Variants in SCD5 observed in about 807,000 individuals in gnomAD.
SCD5 encodes stearoyl-CoA desaturase 5.
In SCD5, 20 loss-of-function variants were observed where a neutral mutation model predicts 30.4. The ratio of observed to expected loss-of-function variants is 0.66; its 90% CI spans 0.46 to 0.96. The LOEUF (loss-of-function observed/expected upper bound fraction) is 0.96. Ranked by LOEUF, SCD5 falls within the 40% of genes least tolerant of loss-of-function variation. The probability of loss-of-function intolerance (pLI) is 0.00; values close to 1 mark genes in which losing one functional copy is unlikely to be tolerated. For missense variants in SCD5, 381 were observed against 443.3 expected (o/e 0.86, Z 1.26); for synonymous variants, 173 against 176.4 (o/e 0.98, Z 0.16).
At chr4:82,747,069 G>GCCCCAC (rs1553918952) in intron 1 of SCD5, among the ~76,000 whole-genome samples, 1 of 139,698 alleles carries the variant, frequency 7.2e-6, no homozygotes. Flanking sequence ...TGGGCAACCT[G>GCCCCAC]CCCCCCAAGA....
At chr4:82,641,758 A>C (rs1727552107) in intron 3 of SCD5, among the ~76,000 whole-genome samples, 1 of 152,188 alleles carries the variant, frequency 6.6e-6, no homozygotes, top group Non-Finnish European at 1.5e-5. Flanking sequence ...TGGTGGCCTG[A>C]ACCTGGATAG....
intron 1 of SCD5, among the ~76,000 whole-genome samples, chr4:82,750,232 C>T (rs75837588): frequency 0.097 from 14,811 of 152,106 alleles, 928 homozygotes; most frequent in Non-Finnish European, 0.15. Context: ...TTGGGAGGGC[C>T]GGGGCACTTA....
intron 3 of SCD5, among the ~76,000 whole-genome samples, chr4:82,664,993 C>A (rs1254031640): frequency 0.089 from 7,575 of 85,398 alleles, 303 homozygotes; most frequent in Middle Eastern, 0.15. Flanking sequence ...CTCTCTCTCT[C>A]TCTCTCTATA....
intron 1 of SCD5, among the ~76,000 whole-genome samples, chr4:82,757,881 C>T (rs970105926): frequency 1.3e-5 from 2 of 152,220 alleles, no homozygotes; most frequent in African/African-American, 4.8e-5. Flanking sequence ...TTTTAAAGTA[C>T]AGCCACTGGC....
At chr4:82,714,975 A>C (rs1336854171) in intron 1 of SCD5, among the ~76,000 whole-genome samples, 1 of 151,340 alleles carries the variant, frequency 6.6e-6, no homozygotes, top group Non-Finnish European at 1.5e-5. Flanking sequence ...AGTGGCTCAC[A>C]CCTGTTATCC....
chr4:82,686,611 AAATT>A lies in SCD5; in HGVS notation c.364-5703_364-5700del, dbSNP rs773126022. ...AGGATTTGATTAAATATTTTGTGATAAATTAATTAAATAGTACTTGTGTGTGTAT... is the reference window on the plus strand; with the variant it reads ...AGGATTTGATTAAATATTTTGTGATAAATTAAATAGTACTTGTGTGTGTAT... On this transcript the variant is annotated intron_variant, in intron 2 of 4. Transcript: ENST00000319540. Among the ~76,000 whole-genome samples, 21 of 152,334 alleles carry A rather than the reference AAATT, an allele frequency of 1.4e-4. No individual in the cohort carries two copies. In the East Asian group the frequency reaches 2.3e-3, roughly 17 times the overall value.
In SCD5 at chr4:82,647,454, T is replaced by A. The variant is rs571322126; in HGVS notation, c.570-10631A>T. Among the ~76,000 whole-genome samples the A allele has an allele frequency of 5.3e-5, 8 of 152,318 alleles. No individual in the cohort carries two copies. The South Asian group carries it at 1.5e-3, about 28-fold the overall frequency. On this transcript the variant is annotated intron_variant, in intron 3 of 4. Coordinates refer to ENST00000319540, the MANE Select transcript of SCD5 (RefSeq NM_001037582.3). The stretch of plus-strand genomic sequence containing the variant: ...CCGTCATGATCAATATCAGCTGAGG[T>A]AGCTGAATGGATTAGATGGGCTGAC...
chr4:82,757,602 G>A (rs554286586), intron 1 of SCD5, among the ~76,000 whole-genome samples: 1 of 152,290 alleles, frequency 6.6e-6, no homozygotes, highest in East Asian at 1.9e-4. Flanking sequence ...TATTATTGTG[G>A]GTGAGGTGGT....
intron 3 of SCD5, among the ~76,000 whole-genome samples, chr4:82,652,516 A>C (rs1334377909): frequency 6.6e-6 from 1 of 152,200 alleles, no homozygotes; most frequent in Non-Finnish European, 1.5e-5. Context: ...CAATTCTACC[A>C]CTTACAAAAT....
chr4:82,770,694 C>G (rs1415680408), intron 1 of SCD5, among the ~76,000 whole-genome samples: 1 of 152,212 alleles, frequency 6.6e-6, no homozygotes, highest in Non-Finnish European at 1.5e-5. Context: ...TTGGCTCTTA[C>G]CGTTCCTATC....
chr4:82,735,032 G>A (rs982853909), intron 1 of SCD5, among the ~76,000 whole-genome samples: 10 of 152,154 alleles, frequency 6.6e-5, no homozygotes, highest in African/African-American at 2.4e-4. Context: ...GCCTCCCAAA[G>A]TGCTGGGATT....
chr4:82,662,447 G>A (rs553304509), intron 3 of SCD5, among the ~76,000 whole-genome samples: 2 of 152,002 alleles, frequency 1.3e-5, no homozygotes, highest in Non-Finnish European at 2.9e-5. Flanking sequence ...AAAAAGCCAA[G>A]AGTTCTATGT....
In SCD5 at chr4:82,798,311, A is replaced by G; in HGVS notation, c.227T>C (p.Leu76Pro). ...GGGGCGCCGGCGGGACTTACCCCAG[A>G]GCAGAGTGAGTGGCTTGGCTTTGGG... ...LIPKAKPLTL[L>P]WAYFCFLLAA... Residue 76 changes from leucine to proline, a missense_variant, in exon 1 of 5, where the codon CTC becomes CCC. Leu to Pro is a moderately conservative substitution (Grantham distance 98). Transcript: ENST00000319540. The G allele has an allele frequency of 2.5e-6, 4 of 1,608,872 alleles. No individual in the cohort carries two copies. The highest frequency in any genetic ancestry group is 3.4e-6 in the Non-Finnish European group (4 of 1,178,078).
chr4:82,796,100 C>T (rs1722210216), intron 1 of SCD5, among the ~76,000 whole-genome samples: 2 of 151,742 alleles, frequency 1.3e-5, no homozygotes, highest in African/African-American at 4.8e-5. Context: ...GAAACCCCAT[C>T]TCTACTAAAA....
chr4:82,711,519 G>A (rs1322491990), intron 1 of SCD5, among the ~76,000 whole-genome samples: 1 of 152,138 alleles, frequency 6.6e-6, no homozygotes, highest in African/African-American at 2.4e-5. Context: ...TTTGAGACCA[G>A]CCTGGATGAC....
At chr4:82,716,245 C>A (rs17006154) in intron 1 of SCD5, among the ~76,000 whole-genome samples, 1 of 151,692 alleles carries the variant, frequency 6.6e-6, no homozygotes, top group Non-Finnish European at 1.5e-5. Context: ...GAAGAACTCA[C>A]GGAGAATGTC....
At chr4:82,758,929 C>G (rs540277750) in intron 1 of SCD5, among the ~76,000 whole-genome samples, 1 of 152,086 alleles carries the variant, frequency 6.6e-6, no homozygotes, top group Non-Finnish European at 1.5e-5. Context: ...TACAATCCTG[C>G]GAAACAACAA....
rs1413763382 is a variant in SCD5, at chr4:82,753,135, A to T, written c.232+45171T>A. Among the ~76,000 whole-genome samples, 1,233 of 152,212 alleles carry T rather than the reference A, an allele frequency of 8.1e-3. 12 individuals carry two copies. The highest frequency in any genetic ancestry group is 9.9e-3 in the Non-Finnish European group (676 of 68,006). ...GGACTGGAGTCTGCATTTTAGCAAGATCCTATGTGATTCCTGTGCACATTC... is the reference window on the plus strand; with the variant it reads ...GGACTGGAGTCTGCATTTTAGCAAGTTCCTATGTGATTCCTGTGCACATTC... On this transcript the variant is annotated intron_variant, in intron 1 of 4. Transcript: ENST00000319540.
chr4:82,758,887 C>T (rs979544977), intron 1 of SCD5, among the ~76,000 whole-genome samples: 11 of 152,304 alleles, frequency 7.2e-5, no homozygotes, highest in Admixed American at 3.3e-4. Flanking sequence ...GCAGCAGAGG[C>T]GCCTCCCCCG....
Sources: gnomAD v4.1 joint callset for allele counts (sites outside exome capture counted in the v4.1 genomes callset) on GRCh38, gnomAD v4.1.1 for gene constraint, MANE v1.5 for transcripts, NCBI Gene and HGNC (gene_info 2026-07-23, HGNC 2026-07-21) for gene names.